The following RPS6KA2 variants were observed in gnomAD, a reference collection of about 807,000 sequenced individuals.
RPS6KA2 encodes the protein ribosomal protein S6 kinase alpha-2.
In RPS6KA2, 42 loss-of-function variants were observed where a neutral mutation model predicts 91.8. The observed-to-expected ratio is 0.46, with a 90% CI of 0.36 to 0.59. RPS6KA2 has a LOEUF of 0.59. Ranked by LOEUF, RPS6KA2 falls within the 20% of genes least tolerant of loss-of-function variation. RPS6KA2 has a pLI of 0.00. For synonymous variants in RPS6KA2, 414 were observed against 393.6 expected (o/e 1.05, Z -0.61); for missense variants, 798 against 978.5 (o/e 0.82, Z 2.46).
At chr6:166,857,644 C>G (rs896260922) in intron 2 of RPS6KA2, among the ~76,000 whole-genome samples, 20 of 152,352 alleles carry the variant, frequency 1.3e-4, no homozygotes, top group Non-Finnish European at 2.4e-4. Context: ...GCTCTTTCTT[C>G]TCTTCCGTTT....
chr6:166,847,375 C>A (rs1293896396), intron 2 of RPS6KA2, among the ~76,000 whole-genome samples: 1 of 152,124 alleles, frequency 6.6e-6, no homozygotes, highest in African/African-American at 2.4e-5. Flanking sequence ...CATAAAAATA[C>A]CACCATCATT....
In RPS6KA2 at chr6:166,639,020, G is replaced by A. The variant is rs554781026; in HGVS notation, c.124-100236C>T. On this transcript the variant is annotated intron_variant, in intron 2 of 21. Coordinates refer to the RPS6KA2 transcript ENST00000503859. The surrounding 1 kb of genome is among the most constrained non-coding windows in gnomAD (Gnocchi z 4.2). ...GAAAAAACCCTGTTCTCACCAGGTC[G>A]TCACCTATGCAAACAGCAATTTCAT... is the stretch of plus-strand genomic sequence containing the variant. 6.6e-6 allele frequency among the ~76,000 whole-genome samples: 1 copy of A among 152,180 alleles called. No homozygotes were observed. The highest frequency in any genetic ancestry group is 1.9e-4 in the East Asian group (1 of 5,194).
rs1244196042 is a variant in RPS6KA2 at position 166,612,036 on chromosome 6, A to C, written c.99+14885T>G. On this transcript the variant is annotated intron_variant, in intron 1 of 20. Transcript: ENST00000265678. The surrounding 1 kb of genome is among the most constrained non-coding windows in gnomAD (Gnocchi z 4.3). Reference sequence around the variant, plus strand: ...GCCTCATCCTCTAATTGCACAGAAGAAATACTGTGAATGAATAAGGCATCC... The same window carrying C: ...GCCTCATCCTCTAATTGCACAGAAGCAATACTGTGAATGAATAAGGCATCC... 6.6e-6 allele frequency among the ~76,000 whole-genome samples: 1 copy of C among 152,172 alleles called. No homozygotes were observed. The highest frequency in any genetic ancestry group is 1.5e-5 in the Non-Finnish European group (1 of 68,036).
At chr6:166,485,272 C>G (rs1781366113) in intron 10 of RPS6KA2, among the ~76,000 whole-genome samples, 1 of 152,210 alleles carries the variant, frequency 6.6e-6, no homozygotes, top group East Asian at 1.9e-4. Flanking sequence ...ACCAGGGGCT[C>G]CAGACATGGG....
intron 2 of RPS6KA2, among the ~76,000 whole-genome samples, chr6:166,690,493 A>G (rs1000313040): frequency 1.4e-4 from 21 of 152,350 alleles, no homozygotes; most frequent in African/African-American, 5.1e-4. Context: ...AAGGTGCCAA[A>G]CAGCTTTACA....
At chr6:166,506,320 CTT>C (rs34387350) in intron 5 of RPS6KA2, among the ~76,000 whole-genome samples, 1 of 152,184 alleles carries the variant, frequency 6.6e-6, no homozygotes, top group Non-Finnish European at 1.5e-5. Context: ...AGCTGCAGGA[CTT>C]TTTGCTGATT....
rs1364806978 is a variant in RPS6KA2 at position 166,508,887 on chromosome 6, C to G, written c.380-605G>C. Among the ~76,000 whole-genome samples the G allele has an allele frequency of 6.6e-6, 1 of 152,186 alleles. No individual in the cohort carries two copies. Among genetic ancestry groups the G allele is most frequent in the Non-Finnish European group, 1.5e-5 (1 of 68,036 alleles). Reference sequence around the variant, plus strand: ...CAGGCCACAGGCAGGCTACACAGCTCCTGCCCACACTCAGCAAGGGCCTGC... The same window carrying G: ...CAGGCCACAGGCAGGCTACACAGCTGCTGCCCACACTCAGCAAGGGCCTGC... On this transcript the variant is annotated intron_variant, in intron 4 of 20. Transcript: ENST00000265678. The surrounding 1 kb of genome is among the most constrained non-coding windows in gnomAD (Gnocchi z 4.3).
chr6:166,789,300 G>C (rs552451137), intron 2 of RPS6KA2, among the ~76,000 whole-genome samples: 35 of 152,324 alleles, frequency 2.3e-4, no homozygotes, highest in Non-Finnish European at 4.4e-4. Flanking sequence ...AGGCTGCATC[G>C]AGGCTGGGGG....
intron 1 of RPS6KA2, among the ~76,000 whole-genome samples, chr6:166,543,330 C>G (rs775348872): frequency 6.6e-6 from 1 of 152,180 alleles, no homozygotes; most frequent in Admixed American, 6.5e-5. Flanking sequence ...TCAGAATCAC[C>G]CCAAGGAACT....
chr6:166,678,932 G>C (rs1177217186), intron 2 of RPS6KA2, among the ~76,000 whole-genome samples: 1 of 152,178 alleles, frequency 6.6e-6, no homozygotes, highest in Non-Finnish European at 1.5e-5. Context: ...TTAGATATCT[G>C]TTCCCCAGAT....
intron 14 of RPS6KA2, among the ~76,000 whole-genome samples, chr6:166,436,315 GA>G (rs397827258): frequency 0.094 from 6,923 of 73,870 alleles, 448 homozygotes; most frequent in African/African-American, 0.22. Context: ...TAAAGCCCCA[GA>G]AAAAAAAAAA....
intron 2 of RPS6KA2, among the ~76,000 whole-genome samples, chr6:166,718,310 T>TG (rs901167136): frequency 7.2e-5 from 11 of 152,172 alleles, no homozygotes; most frequent in East Asian, 1.9e-4. Flanking sequence ...GAGGCTGGCA[T>TG]GGGGGGAGGT....
chr6:166,415,998 T>C (rs1778491335), intron 19 of RPS6KA2, among the ~76,000 whole-genome samples: 1 of 85,386 alleles, frequency 1.2e-5, no homozygotes, highest in African/African-American at 4.5e-5. Context: ...CTCACCATCC[T>C]CCTCCATCAC....
At chr6:166,750,686 C>A (rs1160361515) in intron 2 of RPS6KA2, among the ~76,000 whole-genome samples, 1 of 152,210 alleles carries the variant, frequency 6.6e-6, no homozygotes, top group Non-Finnish European at 1.5e-5. Context: ...AGGCACGCAG[C>A]ACAGATGGGT....
At position 166,557,767 on chromosome 6, in the gene RPS6KA2, A is replaced by T. The variant is rs1784218672; in HGVS notation, c.100-18983T>A. On this transcript the variant is annotated intron_variant, in intron 1 of 20. Coordinates refer to ENST00000265678, the MANE Select transcript of RPS6KA2 (RefSeq NM_021135.6). The surrounding 1 kb of genome is among the most constrained non-coding windows in gnomAD (Gnocchi z 4.8). ...CTCGAAATCCTTCTAGTCTCTATAT[A>T]CAGACTTTCCTCACTCTGTGAACCC... Among the ~76,000 whole-genome samples, 1 of 152,236 alleles carries T rather than the reference A, an allele frequency of 6.6e-6. No homozygotes were observed. Among genetic ancestry groups the T allele is most frequent in the Admixed American group, 6.5e-5 (1 of 15,286 alleles).
intron 2 of RPS6KA2, among the ~76,000 whole-genome samples, chr6:166,802,981 C>T (rs1305594280): frequency 1.3e-5 from 2 of 150,760 alleles, no homozygotes; most frequent in Admixed American, 1.3e-4. Flanking sequence ...TTAAATGAGA[C>T]CAATTAGACT....
chr6:166,613,615 CGGAT>C (rs1554236165), intron 1 of RPS6KA2, among the ~76,000 whole-genome samples: 1 of 152,224 alleles, frequency 6.6e-6, no homozygotes, highest in Non-Finnish European at 1.5e-5. Flanking sequence ...ACCCTGGTGT[CGGAT>C]GGCAGCTCCG....
At chr6:166,766,942 T>A (rs1422790874) in intron 2 of RPS6KA2, among the ~76,000 whole-genome samples, 1 of 152,220 alleles carries the variant, frequency 6.6e-6, no homozygotes, top group African/African-American at 2.4e-5. Flanking sequence ...CCTGTGGGCC[T>A]AACGTGCCTC....
intron 10 of RPS6KA2, among the ~76,000 whole-genome samples, chr6:166,472,043 T>C (rs1319667268): frequency 6.6e-6 from 1 of 152,240 alleles, no homozygotes; most frequent in Non-Finnish European, 1.5e-5. Context: ...CCTTTGATGA[T>C]GACCAGAACT....
Sources: allele counts gnomAD v4.1 joint callset (sites outside exome capture counted in the v4.1 genomes callset), GRCh38; gene constraint gnomAD v4.1.1; non-coding constraint Gnocchi (gnomAD v3.1); transcripts MANE v1.5; gene names NCBI Gene and HGNC (gene_info 2026-07-23, HGNC 2026-07-21).